The following COL10A1 variants were observed in gnomAD, a reference collection of about 807,000 sequenced individuals.
COL10A1 encodes collagen type X alpha 1 chain.
COL10A1 carries 10 observed loss-of-function variants against 18.2 expected under a neutral mutation model. The observed-to-expected ratio is 0.55, with a 90% CI of 0.34 to 0.93. The LOEUF is 0.93. COL10A1 is among the 40% of genes least tolerant of loss of function. COL10A1 has a pLI of 0.02. For synonymous variants in COL10A1, 330 were observed against 316.6 expected (o/e 1.04, Z -0.45); for missense variants, 897 against 853.5 (o/e 1.05, Z -0.64).
chr6:116,131,100 G>C (rs1201864930), upstream of COL10A1, among the ~76,000 whole-genome samples: 1 of 151,890 alleles, frequency 6.6e-6, no homozygotes, highest in African/African-American at 2.4e-5. Context: ...TGTTTTCTCT[G>C]GTGTTCGGAT....
chr6:116,213,247 G>A, the COL10A1 span, among the ~76,000 whole-genome samples: 2 of 152,094 alleles, frequency 1.3e-5, no homozygotes, highest in East Asian at 3.9e-4. Flanking sequence ...AGGCATGACT[G>A]GGCTGGATGT....
In COL10A1 at chr6:116,121,209, A is replaced by T; in HGVS notation, c.907T>A (p.Leu303Met). 6.2e-7 allele frequency: 1 copy of T among 1,613,510 alleles called. No homozygotes were observed. The highest frequency in any genetic ancestry group is 8.5e-7 in the Non-Finnish European group (1 of 1,179,804). The change falls in exon 3 of 3, where the codon TTG becomes ATG. Residue 303 changes from leucine (L) to methionine (M), a missense_variant. Physicochemically the swap from Leu to Met is conservative, Grantham distance 15 (BLOSUM62 2). Coordinates refer to ENST00000651968, the MANE Select transcript of COL10A1 (RefSeq NM_000493.4). ...PGPPGFGKPG[L>M]PGLKGERGPA... ...CCTCTTTCTCCCTTCAGGCCTGGCA[A>T]GCCTGGTTTCCCAAAGCCAGGAGGC...
At chr6:116,195,840 A>C in the COL10A1 span, among the ~76,000 whole-genome samples, 1 of 152,006 alleles carries the variant, frequency 6.6e-6, no homozygotes, top group African/African-American at 2.4e-5. Flanking sequence ...GACCAAAGAG[A>C]TGCTATTTTC....
chr6:116,182,422 A>G, the COL10A1 span, among the ~76,000 whole-genome samples: 6 of 152,186 alleles, frequency 3.9e-5, no homozygotes, highest in South Asian at 1.2e-3. Context: ...TTGCTGGATC[A>G]AATGGTAGAT....
the COL10A1 span, among the ~76,000 whole-genome samples, chr6:116,199,946 C>CT: frequency 6.7e-6 from 1 of 149,388 alleles, no homozygotes; most frequent in East Asian, 1.9e-4. Context: ...ATTTTTACTC[C>CT]TTAAGGGTAG....
chr6:116,152,323 C>T (rs1264506609), intron 1 of COL10A1, among the ~76,000 whole-genome samples: 3 of 152,154 alleles, frequency 2.0e-5, no homozygotes, highest in East Asian at 1.9e-4. Flanking sequence ...TTCAACTTAT[C>T]GTACCATTTA....
chr6:116,204,166 A>G, the COL10A1 span, among the ~76,000 whole-genome samples: 2 of 151,898 alleles, frequency 1.3e-5, no homozygotes, highest in African/African-American at 4.8e-5. Flanking sequence ...GGGGTAAGAA[A>G]CACTTCAGGA....
intron 1 of COL10A1, among the ~76,000 whole-genome samples, chr6:116,143,969 T>C (rs1779828620): frequency 6.6e-6 from 1 of 152,202 alleles, no homozygotes; most frequent in African/African-American, 2.4e-5. Context: ...GTCTTAAACC[T>C]TTTTATAACT....
chr6:116,204,623 C>T, the COL10A1 span, among the ~76,000 whole-genome samples: 3 of 151,760 alleles, frequency 2.0e-5, no homozygotes, highest in African/African-American at 7.3e-5. Flanking sequence ...TTTATAAGCC[C>T]TAAAGAAGTA....
chr6:116,159,503 A>G (rs915100124), upstream of COL10A1, among the ~76,000 whole-genome samples: 2 of 152,184 alleles, frequency 1.3e-5, no homozygotes, highest in African/African-American at 4.8e-5. Flanking sequence ...TTTCACCATT[A>G]TATCTGTCGG....
At chr6:116,178,192 A>C in the COL10A1 span, among the ~76,000 whole-genome samples, 1 of 151,060 alleles carries the variant, frequency 6.6e-6, no homozygotes, top group Non-Finnish European at 1.5e-5. Flanking sequence ...ATTTGCTTGA[A>C]ACCCTTCTTG....
chr6:116,127,430 C>T (rs879269617), upstream of COL10A1, among the ~76,000 whole-genome samples: 3 of 151,888 alleles, frequency 2.0e-5, no homozygotes, highest in African/African-American at 7.3e-5. Context: ...CTGTATAATA[C>T]TCATAGATAC....
the COL10A1 span, among the ~76,000 whole-genome samples, chr6:116,201,603 A>G: frequency 6.6e-6 from 1 of 151,978 alleles, no homozygotes; most frequent in Admixed American, 6.6e-5. Context: ...TAATATAAAG[A>G]TAATAGGGCA....
the COL10A1 span, among the ~76,000 whole-genome samples, chr6:116,179,521 A>G: frequency 6.6e-6 from 1 of 152,194 alleles, no homozygotes; most frequent in Admixed American, 6.5e-5. Flanking sequence ...AATGCCCAAC[A>G]AACATATGAC....
intron 1 of COL10A1, among the ~76,000 whole-genome samples, chr6:116,148,845 T>G (rs1779962898): frequency 6.6e-6 from 1 of 152,136 alleles, no homozygotes; most frequent in Non-Finnish European, 1.5e-5. Flanking sequence ...AAGTAAAGCA[T>G]AACAGGGAAA....
At chr6:116,210,344 GA>G in the COL10A1 span, among the ~76,000 whole-genome samples, 1 of 150,990 alleles carries the variant, frequency 6.6e-6, no homozygotes, top group Admixed American at 6.7e-5. Context: ...TCAAACCCCT[GA>G]AATGTAATAA....
At chr6:116,210,425 G>A in the COL10A1 span, among the ~76,000 whole-genome samples, 2 of 151,626 alleles carry the variant, frequency 1.3e-5, no homozygotes, top group African/African-American at 4.8e-5. Flanking sequence ...GTCCCCAAAT[G>A]CCTTGTAACT....
the COL10A1 span, among the ~76,000 whole-genome samples, chr6:116,205,465 T>C: frequency 8.5e-6 from 1 of 117,534 alleles, no homozygotes; most frequent in African/African-American, 6.0e-5. Flanking sequence ...CCCTGTTATC[T>C]GGTAGGTTGG....
chr6:116,164,911 G>T, the COL10A1 span, among the ~76,000 whole-genome samples: 2 of 151,882 alleles, frequency 1.3e-5, no homozygotes, highest in African/African-American at 4.8e-5. Context: ...GTGAAACCCC[G>T]TCTCTACTAA....
Sources: gnomAD v4.1 joint callset for allele counts (sites outside exome capture counted in the v4.1 genomes callset) on GRCh38, gnomAD v4.1.1 for gene constraint, MANE v1.5 for transcripts, NCBI Gene and HGNC (gene_info 2026-07-23, HGNC 2026-07-21) for gene names.